AOPEP: variants seen among roughly 807,000 people sequenced by gnomAD.
AOPEP encodes aminopeptidase O.
A neutral mutation model predicts 98.1 loss-of-function variants in AOPEP; 77 were observed. The ratio of observed to expected loss-of-function variants is 0.78; its 90% CI spans 0.65 to 0.95. The LOEUF (loss-of-function observed/expected upper bound fraction) is 0.95, where lower values mean the gene tolerates loss of function less well. AOPEP is among the 40% of genes least tolerant of loss of function. The pLI is 0.00. For synonymous variants in AOPEP, 346 were observed against 365.3 expected, an observed-to-expected ratio of 0.95 and a Z score of 0.60; for missense variants, 1,024 against 1,024.7, an observed-to-expected ratio of 1.00 and a Z score of 0.01.
chr9:95,095,371 C>T, the AOPEP span, among the ~76,000 whole-genome samples: 1 of 152,162 alleles, frequency 6.6e-6, no homozygotes, highest in Non-Finnish European at 1.5e-5. Context: ...GGGCTTCTGC[C>T]ACGCTGTGGA....
intron 5 of AOPEP, among the ~76,000 whole-genome samples, chr9:94,911,161 A>C (rs1003821982): frequency 2.0e-5 from 3 of 152,200 alleles, no homozygotes; most frequent in Non-Finnish European, 4.4e-5. Context: ...CTAGTGGTTT[A>C]AAATGAGCTC....
intron 13 of AOPEP, among the ~76,000 whole-genome samples, chr9:95,044,554 C>G (rs1019815941): frequency 2.6e-5 from 4 of 152,168 alleles, no homozygotes. Flanking sequence ...AATTCTGCAT[C>G]TGGAAGGGTA....
intron 1 of AOPEP, among the ~76,000 whole-genome samples, chr9:94,728,041 C>T (rs1200422117): frequency 1.1e-4 from 17 of 152,138 alleles, no homozygotes; most frequent in South Asian, 2.1e-4. Flanking sequence ...ACTTCAAAGC[C>T]TGCACTTTTC....
chr9:95,066,886 CT>C (rs2067956500), intron 14 of AOPEP, among the ~76,000 whole-genome samples: 1 of 152,150 alleles, frequency 6.6e-6, no homozygotes, highest in African/African-American at 2.4e-5. Flanking sequence ...CTTCTGGGTT[CT>C]TTACAGCTCA....
At chr9:94,960,740 C>CAT (rs2058761389) in intron 9 of AOPEP, among the ~76,000 whole-genome samples, 1 of 152,046 alleles carries the variant, frequency 6.6e-6, no homozygotes, top group Admixed American at 6.5e-5. Flanking sequence ...GGGCCGGGTG[C>CAT]GGTGGCTCAC....
Position 95,015,909 on chromosome 9 carries a change from C to T in AOPEP, c.2115+10293C>T, listed in dbSNP as rs1313934746. ...TAGAGACAGGGTTGCACCATGTTGG[C>T]CAGGGTGGTCTCGAACTCCTGACCT... On this transcript the variant is annotated intron_variant, in intron 13 of 16. Transcript: ENST00000375315. 3.9e-5 allele frequency among the ~76,000 whole-genome samples: 6 copies of T among 152,218 alleles called. No individual in the cohort carries two copies. In the East Asian group the frequency reaches 1.2e-3, roughly 29 times the overall value.
rs552745140 is a variant in AOPEP, at chr9:95,003,726, A to C, written c.1978-1432A>C. Among the ~76,000 whole-genome samples, 4 of 152,378 alleles carry C rather than the reference A, an allele frequency of 2.6e-5. No homozygotes were observed. In the South Asian group the frequency reaches 8.3e-4, roughly 32 times the overall value. The stretch of plus-strand genomic sequence containing the variant: ...ACTAAAAGATATAATAACACATTGA[A>C]AAATCTCTAGCAAATGAGCACACAT... On this transcript the variant is annotated intron_variant, in intron 11 of 16. Coordinates refer to ENST00000375315, the MANE Select transcript of AOPEP (RefSeq NM_001193329.3).
chr9:95,065,638 C>T (rs899109694), intron 14 of AOPEP, among the ~76,000 whole-genome samples: 8 of 152,252 alleles, frequency 5.3e-5, no homozygotes, highest in Non-Finnish European at 1.0e-4. Context: ...TGAAAAAGAA[C>T]ACCATTGTGG....
At chr9:94,869,951 G>A (rs142357229) in intron 5 of AOPEP, among the ~76,000 whole-genome samples, 78 of 150,620 alleles carry the variant, frequency 5.2e-4, no homozygotes, top group Non-Finnish European at 1.0e-3. Flanking sequence ...AGGCAGGAGA[G>A]GGAGGAATAG....
intron 1 of AOPEP, among the ~76,000 whole-genome samples, chr9:94,758,922 CT>C (rs3840741): frequency 0.43 from 63,421 of 147,930 alleles, 13,637 homozygotes; most frequent in East Asian, 0.52. Flanking sequence ...ATTTGCCTGC[CT>C]TTTTTTTTTC....
chr9:94,996,996 A>G (rs956748065), intron 11 of AOPEP, among the ~76,000 whole-genome samples: 1 of 152,212 alleles, frequency 6.6e-6, no homozygotes, highest in Non-Finnish European at 1.5e-5. Flanking sequence ...GGCAGCCCTC[A>G]GCATAATTAG....
At chr9:95,118,461 G>A in the AOPEP span, among the ~76,000 whole-genome samples, 2 of 152,234 alleles carry the variant, frequency 1.3e-5, no homozygotes, top group African/African-American at 4.8e-5. Context: ...TGGAGTGCAT[G>A]GGCTTTAAGT....
chr9:95,022,661 A>G (rs113797564), intron 13 of AOPEP, among the ~76,000 whole-genome samples: 2,884 of 152,086 alleles, frequency 0.019, 54 homozygotes, highest in Admixed American at 0.035. Context: ...TTTTAAAGAC[A>G]GTTCATTATT....
At chr9:94,944,916 A>T (rs1033453997) in intron 7 of AOPEP, among the ~76,000 whole-genome samples, 1 of 152,216 alleles carries the variant, frequency 6.6e-6, no homozygotes, top group African/African-American at 2.4e-5. Context: ...TCAATTTTTT[A>T]AAAAAGAGAG....
At chr9:95,007,440 A>G (rs1285699556) in intron 13 of AOPEP, among the ~76,000 whole-genome samples, 1 of 152,090 alleles carries the variant, frequency 6.6e-6, no homozygotes, top group Non-Finnish European at 1.5e-5. Context: ...TCTTTGCCCA[A>G]CCGTTTCCTC....
chr9:94,905,888 T>TG (rs2051071515), intron 5 of AOPEP, among the ~76,000 whole-genome samples: 1 of 145,252 alleles, frequency 6.9e-6, no homozygotes, highest in Admixed American at 6.8e-5. Flanking sequence ...CAGAAGGGGC[T>TG]GGGGGGAGGG....
Position 94,980,909 on chromosome 9 carries a change from C to T in AOPEP, c.1977+1482C>T, listed in dbSNP as rs2060142272. Among the ~76,000 whole-genome samples, 1 of 152,200 alleles carries T rather than the reference C, an allele frequency of 6.6e-6. No individual in the cohort carries two copies. Among genetic ancestry groups the T allele is most frequent in the Non-Finnish European group, 1.5e-5 (1 of 68,032 alleles). ...TTCCTTCATGTTTCAGATGGGAGTG[C>T]AGGTGGTGGGGGACATTTGCTGAAG... On this transcript the variant is annotated intron_variant, in intron 11 of 16. Coordinates refer to ENST00000375315, the MANE Select transcript of AOPEP (RefSeq NM_001193329.3). The surrounding 1 kb of genome is among the most constrained non-coding windows in gnomAD (Gnocchi z 4.3).
intron 5 of AOPEP, among the ~76,000 whole-genome samples, chr9:94,808,786 T>C (rs912553253): frequency 1.3e-5 from 2 of 152,250 alleles, no homozygotes; most frequent in Admixed American, 6.5e-5. Context: ...GAGGAGGTGC[T>C]CCTGTGAGCC....
the AOPEP span, among the ~76,000 whole-genome samples, chr9:95,092,317 T>A: frequency 6.6e-6 from 1 of 152,070 alleles, no homozygotes; most frequent in East Asian, 1.9e-4. Flanking sequence ...CACCCCCGCC[T>A]GGGCCCACCC....
Sources: gnomAD v4.1 joint callset for allele counts (sites outside exome capture counted in the v4.1 genomes callset) on GRCh38, gnomAD v4.1.1 for gene constraint, Gnocchi (gnomAD v3.1) non-coding constraint, MANE v1.5 for transcripts, NCBI Gene and HGNC (gene_info 2026-07-23, HGNC 2026-07-21) for gene names.